Variants in STX8 observed in about 807,000 individuals in gnomAD.
STX8 encodes the protein syntaxin 8.
In STX8, 23 loss-of-function variants were observed where a neutral mutation model predicts 37.5. The observed-to-expected ratio is 0.61, with a 90% CI of 0.44 to 0.87. The LOEUF (loss-of-function observed/expected upper bound fraction) is 0.87. STX8 is among the 40% of genes least tolerant of loss of function. The pLI, the probability that STX8 is intolerant of heterozygous loss-of-function variation, is 0.00. For synonymous variants in STX8, 115 were observed against 99.1 expected, an observed-to-expected ratio of 1.16 and a Z score of -0.95; for missense variants, 313 against 284.7, an observed-to-expected ratio of 1.10 and a Z score of -0.71.
chr17:9,395,788 A>G (rs968942706), intron 6 of STX8, among the ~76,000 whole-genome samples: 5 of 152,216 alleles, frequency 3.3e-5, no homozygotes, highest in African/African-American at 1.2e-4. Flanking sequence ...CTAAGATCCA[A>G]GACAATTATA....
At chr17:9,467,788 C>G (rs1253903068) in intron 6 of STX8, among the ~76,000 whole-genome samples, 1 of 152,206 alleles carries the variant, frequency 6.6e-6, no homozygotes, top group Non-Finnish European at 1.5e-5. Context: ...GTTGCCTGCT[C>G]TGACCCTCCC....
intron 7 of STX8, among the ~76,000 whole-genome samples, chr17:9,297,025 A>G (rs940254877): frequency 1.3e-5 from 2 of 152,164 alleles, no homozygotes; most frequent in Non-Finnish European, 2.9e-5. Context: ...TGTAAATGGG[A>G]AGAATAACAG....
intron 7 of STX8, among the ~76,000 whole-genome samples, chr17:9,323,306 G>A (rs1909639501): frequency 6.6e-6 from 1 of 151,614 alleles, no homozygotes; most frequent in Non-Finnish European, 1.5e-5. Flanking sequence ...AAACCTTAGG[G>A]GGAAAAAATC....
intron 7 of STX8, among the ~76,000 whole-genome samples, chr17:9,366,473 G>GC (rs1249762490): frequency 3.9e-5 from 6 of 152,078 alleles, no homozygotes; most frequent in African/African-American, 1.4e-4. Flanking sequence ...CTCGTGATCT[G>GC]CCCACCTTGG....
chr17:9,562,042 CA>C (rs1907254464), intron 2 of STX8, among the ~76,000 whole-genome samples: 1 of 150,962 alleles, frequency 6.6e-6, no homozygotes, highest in Non-Finnish European at 1.5e-5. Context: ...AACCTGCAAA[CA>C]GCAAAAACTT....
chr17:9,475,786 C>A (rs1906076375), intron 6 of STX8, among the ~76,000 whole-genome samples: 1 of 152,196 alleles, frequency 6.6e-6, no homozygotes, highest in Non-Finnish European at 1.5e-5. Flanking sequence ...AACCATATAT[C>A]CTAGAAAGAA....
At chr17:9,526,877 C>CA (rs1240045329) in intron 4 of STX8, among the ~76,000 whole-genome samples, 6 of 148,854 alleles carry the variant, frequency 4.0e-5, no homozygotes, top group African/African-American at 1.5e-4. Flanking sequence ...AAAACAAAAA[C>CA]AAAAAAAAAG....
chr17:9,324,765 C>CAAA lies in STX8; in HGVS notation c.643+53784_643+53786dup, dbSNP rs534392223. On this transcript the variant is annotated intron_variant, in intron 7 of 7. Transcript: ENST00000306357. ...GGGTGACAAGAGCAAAACTCCATCTCAAAAAAAAAAAAAAAAAAAAAAGAG... is the reference window on the plus strand; with the variant it reads ...GGGTGACAAGAGCAAAACTCCATCTCAAAAAAAAAAAAAAAAAAAAAAAAAGAG... Among the ~76,000 whole-genome samples, 326 of 45,798 alleles carry CAAA rather than the reference C, an allele frequency of 7.1e-3. 4 individuals carry two copies. Among genetic ancestry groups the CAAA allele is most frequent in the African/African-American group, 0.018 (241 of 13,398 alleles). The allele number at this position is 45,798 out of a possible 152,430, so 30.0% of individuals were successfully genotyped here.
Position 9,436,323 on chromosome 17 carries a change from C to T in STX8, c.541+55506G>A, listed in dbSNP as rs778902545. Among the ~76,000 whole-genome samples the T allele has an allele frequency of 8.1e-4, 121 of 148,792 alleles. 1 individual carries two copies. The Middle Eastern group carries it at 0.014, about 17-fold the overall frequency. On this transcript the variant is annotated intron_variant, in intron 6 of 7. Coordinates refer to ENST00000306357, the MANE Select transcript of STX8 (RefSeq NM_004853.3). ...TCGTGCCACTGCGCTCCAGCTTGGG[C>T]GCAACAGAGCAAGCCTCCATCGCAA...
At position 9,255,555 on chromosome 17, in the gene STX8, T is replaced by TAA. The variant is rs1567756286; in HGVS notation, c.644-4911_644-4910insTT. On this transcript the variant is annotated intron_variant, in intron 7 of 7. Transcript: ENST00000306357. ...ATAAATAAATAAATAAATAAATAAA[T>TAA]ATATAAATAAATAAATAAATAAATA... Among the ~76,000 whole-genome samples, 262 of 68,362 alleles carry TAA rather than the reference T, an allele frequency of 3.8e-3. 1 individual carries two copies. The highest frequency in any genetic ancestry group is 5.5e-3 in the South Asian group (11 of 1,986). The allele number at this position is 68,362 out of a possible 152,430, so 44.8% of individuals were successfully genotyped here.
At chr17:9,282,105 A>C (rs1394314921) in intron 7 of STX8, among the ~76,000 whole-genome samples, 1 of 152,068 alleles carries the variant, frequency 6.6e-6, no homozygotes, top group East Asian at 1.9e-4. Flanking sequence ...TACATTTGAT[A>C]AATTTTTGTT....
intron 7 of STX8, among the ~76,000 whole-genome samples, chr17:9,355,388 G>A (rs1433850717): frequency 7.1e-6 from 1 of 140,516 alleles, no homozygotes; most frequent in Non-Finnish European, 1.5e-5. Flanking sequence ...AGGCTGGAAT[G>A]CAGTGGCACA....
intron 7 of STX8, among the ~76,000 whole-genome samples, chr17:9,342,073 T>C (rs1362762823): frequency 6.6e-6 from 1 of 152,134 alleles, no homozygotes; most frequent in African/African-American, 2.4e-5. Flanking sequence ...GAGATGGTTT[T>C]CGGGATGAAA....
chr17:9,315,280 A>C (rs1909344492), intron 7 of STX8, among the ~76,000 whole-genome samples: 1 of 148,410 alleles, frequency 6.7e-6, no homozygotes, highest in African/African-American at 2.6e-5. Flanking sequence ...AAGAGTTAAA[A>C]AAACAAAAAC....
At chr17:9,320,257 C>T (rs537130870) in intron 7 of STX8, among the ~76,000 whole-genome samples, 3 of 149,964 alleles carry the variant, frequency 2.0e-5, no homozygotes, top group Admixed American at 6.7e-5. Context: ...CGCTTGAACC[C>T]GGGAGGTGGA....
At chr17:9,276,086 C>T (rs1308048933) in intron 7 of STX8, among the ~76,000 whole-genome samples, 2 of 118,840 alleles carry the variant, frequency 1.7e-5, no homozygotes, top group Non-Finnish European at 3.9e-5. Context: ...AAGGTGGCTG[C>T]GGTTTCTATC....
chr17:9,287,215 C>A (rs1011974958), intron 7 of STX8, among the ~76,000 whole-genome samples: 2 of 152,076 alleles, frequency 1.3e-5, no homozygotes, highest in Non-Finnish European at 1.5e-5. Context: ...GACGATGAAA[C>A]CTAAACAGCA....
chr17:9,307,526 C>T (rs1179981382), intron 7 of STX8, among the ~76,000 whole-genome samples: 1 of 152,208 alleles, frequency 6.6e-6, no homozygotes, highest in Non-Finnish European at 1.5e-5. Flanking sequence ...GCAATGGCTG[C>T]ATCCCCTTTT....
At chr17:9,310,219 C>A (rs1332934222) in intron 7 of STX8, among the ~76,000 whole-genome samples, 1 of 152,110 alleles carries the variant, frequency 6.6e-6, no homozygotes, top group Non-Finnish European at 1.5e-5. Flanking sequence ...AATAAGAGAA[C>A]TTCGTGGTGG....
Sources: allele counts gnomAD v4.1 joint callset (sites outside exome capture counted in the v4.1 genomes callset), GRCh38; gene constraint gnomAD v4.1.1; transcripts MANE v1.5; gene names NCBI Gene and HGNC (gene_info 2026-07-23, HGNC 2026-07-21).